The following SGSM1 variants were observed in gnomAD, a reference collection of about 807,000 sequenced individuals.
SGSM1 encodes the protein RUN and TBC1 domain containing 2.
In SGSM1, 73 loss-of-function variants were observed where a neutral mutation model predicts 133.8. The observed-to-expected ratio is 0.55, with a 90% confidence interval of 0.45 to 0.66. SGSM1 has a LOEUF of 0.66. SGSM1 is among the 30% of genes least tolerant of loss of function. SGSM1 has a pLI of 0.00. For missense variants in SGSM1, 1,213 were observed against 1,448.1 expected (o/e 0.84, Z 2.64); for synonymous variants, 563 against 573.0 (o/e 0.98, Z 0.25).
intron 19 of SGSM1, among the ~76,000 whole-genome samples, chr22:24,900,387 C>CTTTCTTTCTT (rs1933103719): frequency 1.4e-5 from 1 of 72,892 alleles, no homozygotes; most frequent in East Asian, 1.0e-3. Context: ...TTCTTTCTTT[C>CTTTCTTTCTT]TTTCTTTCTT....
At chr22:24,826,719 C>T (rs762421099) in intron 2 of SGSM1, among the ~76,000 whole-genome samples, 41 of 152,108 alleles carry the variant, frequency 2.7e-4, no homozygotes, top group Non-Finnish European at 5.3e-4. Context: ...ACAAGGTGAT[C>T]AGGGAGGCTC....
At chr22:24,841,598 G>A (rs1929809643) in intron 2 of SGSM1, among the ~76,000 whole-genome samples, 1 of 152,232 alleles carries the variant, frequency 6.6e-6, no homozygotes, top group Non-Finnish European at 1.5e-5. Context: ...AGAAGTGGAT[G>A]CAGGGAGACC....
At chr22:24,814,717 T>G (rs1490516595) in intron 2 of SGSM1, among the ~76,000 whole-genome samples, 5 of 152,204 alleles carry the variant, frequency 3.3e-5, no homozygotes, top group African/African-American at 4.8e-5. Flanking sequence ...ACATCTGAAC[T>G]TAAAAGATGC....
intron 21 of SGSM1, among the ~76,000 whole-genome samples, chr22:24,906,804 A>G (rs1040472535): frequency 5.3e-5 from 8 of 151,976 alleles, no homozygotes; most frequent in African/African-American, 1.9e-4. Context: ...AAACAAAAAT[A>G]GCCAGGCGTG....
chr22:24,879,379 A>G lies in SGSM1; in HGVS notation c.1431-83A>G. ...TGGCTGATATTAATCTGCCCTCTAG[A>G]GATAGCACGTGGTTATCCTCTCCAG... is the stretch of plus-strand genomic sequence containing the variant. On this transcript the variant is annotated intron_variant, in intron 13 of 24. Transcript: ENST00000400358. 5 of 1,336,106 alleles carry G rather than the reference A, an allele frequency of 3.7e-6. No individual in the cohort carries two copies. The South Asian group carries it at 6.3e-5, about 17-fold the overall frequency. The allele number at this position is 1,336,106 out of a possible 1,614,324, so 82.8% of individuals were successfully genotyped here.
At chr22:24,887,258 T>C (rs567252048) in intron 16 of SGSM1, among the ~76,000 whole-genome samples, 1 of 152,058 alleles carries the variant, frequency 6.6e-6, no homozygotes, top group African/African-American at 2.4e-5. Flanking sequence ...ACCTCCCCCA[T>C]ACCCACACCC....
At chr22:24,883,354 G>A (rs1414979700) in intron 14 of SGSM1, among the ~76,000 whole-genome samples, 1 of 152,164 alleles carries the variant, frequency 6.6e-6, no homozygotes, top group Non-Finnish European at 1.5e-5. Flanking sequence ...AATTTGAACA[G>A]GAGTTGTCCA....
Position 24,860,782 on chromosome 22 carries a change from C to A in SGSM1, c.926+942C>A, listed in dbSNP as rs1168183998. 6.0e-5 allele frequency among the ~76,000 whole-genome samples: 9 copies of A among 150,292 alleles called. No individual in the cohort carries two copies. In the East Asian group the frequency reaches 1.8e-3, roughly 30 times the overall value. ...AGGCATGGTGGCACACACCTGTAGT[C>A]CCAGCTACTCGGGAGGGTGAGGCAG... On this transcript the variant is annotated intron_variant, in intron 9 of 24. Coordinates refer to ENST00000400358, the MANE Select transcript of SGSM1 (RefSeq NM_001098497.3).
intron 2 of SGSM1, among the ~76,000 whole-genome samples, chr22:24,839,382 A>G (rs1293831102): frequency 6.6e-6 from 1 of 152,168 alleles, no homozygotes; most frequent in Admixed American, 6.5e-5. Context: ...TTCTTTTAAT[A>G]TGCTGTTGAA....
At chr22:24,901,682 A>G in intron 19 of SGSM1, 151 bp from the exon 20 acceptor site, 1 of 835,878 alleles carries the variant, frequency 1.2e-6, no homozygotes, top group Non-Finnish European at 1.8e-6. Flanking sequence ...AAACAAACAA[A>G]ATCAAACACC....
rs140533182 is a variant in SGSM1, at chr22:24,807,228, G to C, written c.63+744G>C. On this transcript the variant is annotated intron_variant, in intron 2 of 24. Transcript: ENST00000400358. The stretch of plus-strand genomic sequence containing the variant: ...CCCATAGACAGAATTTATAGTCCTT[G>C]GGGTAGCATCTCGATGCCTGGACTG... Among the ~76,000 whole-genome samples the C allele has an allele frequency of 2.8e-3, 434 of 152,286 alleles. 1 individual carries two copies. Among genetic ancestry groups the C allele is most frequent in the African/African-American group, 9.7e-3 (405 of 41,560 alleles).
intron 19 of SGSM1, among the ~76,000 whole-genome samples, chr22:24,900,931 T>A (rs1309899226): frequency 6.6e-6 from 1 of 152,014 alleles, no homozygotes; most frequent in Non-Finnish European, 1.5e-5. Context: ...AAGAGAGGGG[T>A]TTTCTTCTGC....
chr22:24,902,643 C>T (rs967655319), intron 20 of SGSM1, among the ~76,000 whole-genome samples: 3 of 152,020 alleles, frequency 2.0e-5, no homozygotes, highest in African/African-American at 7.2e-5. Context: ...GCTATGATTA[C>T]ACCATTGTAC....
chr22:24,855,023 G>C lies in SGSM1; in HGVS notation c.483G>C (p.Leu161=). 1 of 1,613,540 alleles carries C rather than the reference G, an allele frequency of 6.2e-7. No homozygotes were observed. The highest frequency in any genetic ancestry group is 8.5e-7 in the Non-Finnish European group (1 of 1,179,782). ...AATACTATGAGAAGGAAGCTCTCCT[G>C]ATGGACCCTGTGGACGGCCCCATCC... is the stretch of plus-strand genomic sequence containing the variant. ...SSKYYEKEAL[L]MDPVDGPILA... Residue 161 remains leucine (L), a synonymous_variant, in exon 6 of 25, where the codon CTG becomes CTC. Transcript: ENST00000400358.
chr22:24,874,712 C>T, intron 12 of SGSM1: 2 of 1,209,772 alleles, frequency 1.7e-6, no homozygotes. Flanking sequence ...TGCCCTCCTG[C>T]TGTCCAGCCT....
chr22:24,847,680 T>G lies in SGSM1; in HGVS notation c.186T>G (p.Ala62=). 1 of 1,613,848 alleles carries G rather than the reference T, an allele frequency of 6.2e-7. No homozygotes were observed. The highest frequency in any genetic ancestry group is 1.7e-5 in the Admixed American group (1 of 60,006). ...CVLHGLRRRA[A]GFLRSNKIAA... is the part of the protein sequence containing the mutation. ...TGCACGGGCTTCGGCGGCGGGCGGC[T>G]GGCTTCCTACGCAGCAATAAGATTG... Residue 62 remains alanine (A), a synonymous_variant, in exon 4 of 25, where the codon GCT becomes GCG. Transcript: ENST00000400358.
At chr22:24,842,218 C>T (rs73879146) in intron 2 of SGSM1, among the ~76,000 whole-genome samples, 2,323 of 152,184 alleles carry the variant, frequency 0.015, 57 homozygotes, top group African/African-American at 0.052. Flanking sequence ...GGTGTGCAAA[C>T]GCTCTGAGAC....
intron 21 of SGSM1, among the ~76,000 whole-genome samples, chr22:24,909,685 A>G (rs1271999758): frequency 2.0e-5 from 3 of 152,064 alleles, no homozygotes; most frequent in African/African-American, 7.2e-5. Flanking sequence ...CGAACTCCTG[A>G]CCTCAGGTGA....
At chr22:24,873,804 G>A (rs1011718177) in intron 12 of SGSM1, among the ~76,000 whole-genome samples, 2 of 152,004 alleles carry the variant, frequency 1.3e-5, no homozygotes, top group South Asian at 2.1e-4. Flanking sequence ...AGTGAGCCAC[G>A]TTTGTGCCAC....
Sources: gnomAD v4.1 joint callset for allele counts (sites outside exome capture counted in the v4.1 genomes callset) on GRCh38, gnomAD v4.1.1 for gene constraint, MANE v1.5 for transcripts, NCBI Gene and HGNC (gene_info 2026-07-23, HGNC 2026-07-21) for gene names.